The following RAB4A variants were observed in gnomAD, a reference collection of about 807,000 sequenced individuals.
The protein encoded by RAB4A is RAB4A, member RAS oncogene family.
Under a neutral mutation model 34.5 loss-of-function variants are expected in RAB4A, and 20 were observed. The observed-to-expected ratio is 0.58, with a 90% confidence interval of 0.41 to 0.84. The LOEUF is 0.84. RAB4A is among the 40% of genes least tolerant of loss of function. The pLI is 0.00. For synonymous variants in RAB4A, 102 were observed against 100.0 expected (o/e 1.02, Z -0.12); for missense variants, 228 against 274.5 (o/e 0.83, Z 1.20).
At chr1:229,275,409 A>T (rs551024316) in intron 1 of RAB4A, among the ~76,000 whole-genome samples, 16 of 152,212 alleles carry the variant, frequency 1.1e-4, no homozygotes, top group African/African-American at 3.9e-4. Context: ...CAGCACTCTG[A>T]ATTTGAATGC....
intron 1 of RAB4A, among the ~76,000 whole-genome samples, chr1:229,280,735 G>T (rs549968194): frequency 6.6e-6 from 1 of 152,128 alleles, no homozygotes; most frequent in African/African-American, 2.4e-5. Flanking sequence ...GGACACTTCC[G>T]TCACCACAAG....
chr1:229,298,795 T>G (rs957000983), intron 5 of RAB4A, among the ~76,000 whole-genome samples, 182 bp from the exon 6 acceptor site: 1 of 152,236 alleles, frequency 6.6e-6, no homozygotes, highest in African/African-American at 2.4e-5. Flanking sequence ...AGGCTAAAAT[T>G]CTTTTAACAT....
At position 229,302,287 on chromosome 1, in the gene RAB4A, ATATATATATATATATATATATAT is replaced by A. The variant is rs1293018037; in HGVS notation, c.542-573_542-551del. Among the ~76,000 whole-genome samples the A allele has an allele frequency of 3.1e-3, 66 of 21,164 alleles. 8 individuals carry two copies. The highest frequency in any genetic ancestry group is 0.011 in the African/African-American group (43 of 3,786). 13.9% of individuals were successfully genotyped at this position (21,164 alleles called of 152,430 possible). On this transcript the variant is annotated intron_variant, in intron 6 of 7. Coordinates refer to ENST00000366690, the MANE Select transcript of RAB4A (RefSeq NM_004578.4). ...TATATATATATATATATATATATAT[ATATATATATATATATATATATAT>A]TTTTTTTTTTTTTTTACATGTGCAT...
intron 6 of RAB4A, among the ~76,000 whole-genome samples, chr1:229,302,563 G>A (rs1657442140): frequency 6.6e-6 from 1 of 150,962 alleles, no homozygotes; most frequent in Admixed American, 6.6e-5. Flanking sequence ...TATAAATAAT[G>A]TATTCACATA....
At chr1:229,289,684 C>A (rs1657015354) in intron 3 of RAB4A, among the ~76,000 whole-genome samples, 1 of 152,120 alleles carries the variant, frequency 6.6e-6, no homozygotes, top group African/African-American at 2.4e-5. Flanking sequence ...GGCGTGGTGG[C>A]AGGTGCCTGT....
intron 1 of RAB4A, among the ~76,000 whole-genome samples, chr1:229,277,240 G>A (rs1294743541): frequency 6.6e-6 from 1 of 150,822 alleles, no homozygotes. Flanking sequence ...TTGGGAGTCT[G>A]TGCTGCAAAT....
At chr1:229,290,789 A>T (rs893298130) in intron 3 of RAB4A, among the ~76,000 whole-genome samples, 4 of 152,206 alleles carry the variant, frequency 2.6e-5, no homozygotes, top group African/African-American at 9.6e-5. Context: ...AAATAAACTC[A>T]TGGTGAAAAA....
At chr1:229,299,646 C>T (rs1002207874) in intron 6 of RAB4A, among the ~76,000 whole-genome samples, 4 of 152,132 alleles carry the variant, frequency 2.6e-5, no homozygotes, top group African/African-American at 9.7e-5. Context: ...GTGTAGTTGT[C>T]ATTTACTAAA....
intron 6 of RAB4A, 59 bp downstream of exon 6, chr1:229,299,131 G>A (rs1657317406): frequency 8.5e-7 from 1 of 1,172,880 alleles, no homozygotes; most frequent in Non-Finnish European, 1.2e-6. Context: ...TAGCTCAGTA[G>A]ATCACCTTTT....
chr1:229,283,729 C>G (rs1049603780), intron 1 of RAB4A, among the ~76,000 whole-genome samples: 36 of 141,654 alleles, frequency 2.5e-4, no homozygotes, highest in Non-Finnish European at 4.6e-4. Flanking sequence ...CTTTCAGAGT[C>G]TTTTTTTTTT....
intron 6 of RAB4A, among the ~76,000 whole-genome samples, 165 bp downstream of exon 6, chr1:229,299,237 A>C (rs899766636): frequency 7.2e-5 from 11 of 152,246 alleles, no homozygotes; most frequent in African/African-American, 2.7e-4. Context: ...TGTTCTTATC[A>C]GGATGAAAGC....
chr1:229,293,964 T>C (rs1481399154), intron 3 of RAB4A, among the ~76,000 whole-genome samples: 1 of 152,018 alleles, frequency 6.6e-6, no homozygotes, highest in East Asian at 1.9e-4. Flanking sequence ...GAATGGACTG[T>C]GGGCCACACA....
Position 229,295,852 on chromosome 1 carries a change from G to T in RAB4A, c.232G>T (p.Val78Leu). ...AAACCAGTATAATTCTTCCAGGTCC[G>T]TGACGAGAAGTTATTACCGAGGCGC... The part of the protein sequence containing the change: ...DTAGQERFRS[V>L]TRSYYRGAAG... Residue 78 changes from valine to leucine, a missense_variant, in exon 4 of 8, where the codon GTG (valine) becomes TTG (leucine). Physicochemically the swap from Val to Leu is conservative, Grantham distance 32. Transcript: ENST00000366690. 6.2e-7 allele frequency: 1 copy of T among 1,613,986 alleles called. No homozygotes were observed. The highest frequency in any genetic ancestry group is 8.5e-7 in the Non-Finnish European group (1 of 1,179,942).
intron 6 of RAB4A, 45 bp from the exon 7 acceptor site, chr1:229,302,817 G>C (rs1321474359): frequency 7.8e-7 from 1 of 1,286,272 alleles, no homozygotes; most frequent in Non-Finnish European, 1.1e-6. Context: ...TGGAATCAAA[G>C]AAACATAAAA....
chr1:229,272,913 T>C (rs1390421761), intron 1 of RAB4A, among the ~76,000 whole-genome samples: 1 of 152,196 alleles, frequency 6.6e-6, no homozygotes, highest in East Asian at 1.9e-4. Flanking sequence ...GTCGATGCCT[T>C]CATCAGGACA....
chr1:229,280,702 A>T (rs1376278543), intron 1 of RAB4A, among the ~76,000 whole-genome samples: 2 of 152,224 alleles, frequency 1.3e-5, no homozygotes, highest in Non-Finnish European at 2.9e-5. Context: ...CACAACTAGG[A>T]TATTGATGTT....
intron 1 of RAB4A, among the ~76,000 whole-genome samples, chr1:229,274,422 A>C (rs1331446399): frequency 6.6e-6 from 1 of 152,048 alleles, no homozygotes; most frequent in Non-Finnish European, 1.5e-5. Flanking sequence ...ATGCTTTTTA[A>C]CATATTAAAA....
rs1446020975 is a variant in RAB4A, at chr1:229,288,741, CAA to C, written c.127_128del (p.Asn43SerfsTer17). 1 of 1,541,154 alleles carries C rather than the reference CAA, an allele frequency of 6.5e-7. No individual in the cohort carries two copies. Among genetic ancestry groups the C allele is most frequent in the Non-Finnish European group, 8.9e-7 (1 of 1,123,400 alleles). ...TTTTCTTTTTTAGTCAAAGATGACT[CAA>C]ATCATACAATAGGAGTGGAATTTGG... On this transcript the variant is annotated frameshift_variant, in exon 3 of 8. Transcript: ENST00000366690. LOFTEE classifies it high-confidence loss of function.
At chr1:229,301,884 A>G (rs1180970150) in intron 6 of RAB4A, among the ~76,000 whole-genome samples, 1 of 152,010 alleles carries the variant, frequency 6.6e-6, no homozygotes, top group Admixed American at 6.6e-5. Flanking sequence ...GTACATATAT[A>G]TAACATAATG....
Sources: allele counts gnomAD v4.1 joint callset (sites outside exome capture counted in the v4.1 genomes callset), GRCh38; gene constraint gnomAD v4.1.1; transcripts MANE v1.5; gene names NCBI Gene and HGNC (gene_info 2026-07-23, HGNC 2026-07-21).